The following CCNB3 variants were observed in gnomAD, a reference collection of about 807,000 sequenced individuals.
The protein encoded by CCNB3 is cyclin B3, also known as G2/mitotic-specific cyclin-B3.
A neutral mutation model predicts 68.0 loss-of-function variants in CCNB3; 12 were observed. The observed-to-expected ratio is 0.18, with a 90% CI of 0.11 to 0.29. The LOEUF (loss-of-function observed/expected upper bound fraction) is 0.29, where lower values mean the gene tolerates loss of function less well. Among genes scored for constraint, CCNB3 ranks in the 10% least tolerant of loss-of-function variants. CCNB3 has a pLI of 1.00. For synonymous variants in CCNB3, 354 were observed against 388.9 expected, an observed-to-expected ratio of 0.91 and a Z score of 1.06; for missense variants, 904 against 993.1, an observed-to-expected ratio of 0.91 and a Z score of 1.21.
rs1923273199 is a variant in CCNB3, at chrX:50,344,079, G to T, written c.3654+1740G>T. Among the ~76,000 whole-genome samples, 6 of 112,131 alleles carry T rather than the reference G, an allele frequency of 5.4e-5. 1 individual carries two copies. In the South Asian group the frequency reaches 2.3e-3, roughly 42 times the overall value. On this transcript the variant is annotated intron_variant, in intron 9 of 12. Transcript: ENST00000376042. ...AAATCTTTTATGCTGTATTGTTACT[G>T]TACTTTTTCTGTTTAGATAGCCTAA...
intron 1 of CCNB3, among the ~76,000 whole-genome samples, chrX:50,220,372 T>G (rs1935648494): frequency 8.9e-6 from 1 of 111,930 alleles, no homozygotes; most frequent in African/African-American, 3.2e-5. Flanking sequence ...GTTTCCAGCT[T>G]TTGCCCATTC....
chrX:50,313,872 C>T lies in CCNB3; in HGVS notation c.3440C>T (p.Thr1147Ile). The stretch of plus-strand genomic sequence containing the variant: ...CAATGCCAGGAACAGTTTATACTTA[C>T]AGATTACATGAACAGGCAGATTGAA... ...MKEREEQFIL[T>I]DYMNRQIEIT... Residue 1147 changes from threonine (T) to isoleucine (I), a missense_variant, in exon 8 of 13, where the codon ACA (threonine) becomes ATA (isoleucine). Coordinates refer to ENST00000376042, the MANE Select transcript of CCNB3 (RefSeq NM_033031.3). 1 of 1,205,279 alleles carries T rather than the reference C, an allele frequency of 8.3e-7. No homozygotes were observed. The highest frequency in any genetic ancestry group is 1.1e-6 in the Non-Finnish European group (1 of 889,893).
chrX:50,214,475 C>T (rs1483067529), intron 1 of CCNB3, among the ~76,000 whole-genome samples: 26 of 9,490 alleles, frequency 2.7e-3, no homozygotes, highest in Non-Finnish European at 0.011. Flanking sequence ...AGCTGTGGCC[C>T]ATATATATAT....
chrX:50,343,630 C>T (rs1557219907), intron 9 of CCNB3, among the ~76,000 whole-genome samples: 1 of 111,482 alleles, frequency 9.0e-6, no homozygotes, highest in African/African-American at 3.3e-5. Flanking sequence ...CCCTTGAGCC[C>T]AGGAGGTTGA....
intron 8 of CCNB3, among the ~76,000 whole-genome samples, chrX:50,330,652 A>ACTATTATAACTC (rs1315483001): frequency 2.7e-5 from 3 of 112,165 alleles, no homozygotes; most frequent in African/African-American, 9.7e-5. Context: ...GGTTCCTATT[A>ACTATTATAACTC]CTATTATAAC....
intron 1 of CCNB3, among the ~76,000 whole-genome samples, chrX:50,284,077 C>A (rs1936191972): frequency 9.0e-6 from 1 of 110,779 alleles, no homozygotes; most frequent in African/African-American, 3.3e-5. Context: ...TCATATTAAG[C>A]ATCACAGACA....
chrX:50,287,403 T>C (rs937576387), intron 3 of CCNB3, among the ~76,000 whole-genome samples: 2 of 111,929 alleles, frequency 1.8e-5, no homozygotes, highest in Non-Finnish European at 3.8e-5. Context: ...CTAAACTTTG[T>C]TTTTAATATA....
Position 50,308,974 on chromosome X carries a change from A to C in CCNB3, c.805A>C (p.Lys269Gln). 1 of 1,211,002 alleles carries C rather than the reference A, an allele frequency of 8.3e-7. No homozygotes were observed. Among genetic ancestry groups the C allele is most frequent in the Non-Finnish European group, 1.1e-6 (1 of 894,812 alleles). ...DSFFMESMSFKKKPKTEESIP... is the reference protein window; with the variant it reads ...DSFFMESMSFQKKPKTEESIP... ...CTTCTTTATGGAGTCAATGAGTTTT[A>C]AGAAGAAGCCTAAAACTGAGGAGTC... Residue 269 changes from lysine (K) to glutamine (Q), a missense_variant, in exon 6 of 13, where the codon AAG (lysine) becomes CAG (glutamine). Lys to Gln is a moderately conservative substitution (Grantham distance 53). Coordinates refer to ENST00000376042, the MANE Select transcript of CCNB3 (RefSeq NM_033031.3).
intron 1 of CCNB3, among the ~76,000 whole-genome samples, chrX:50,227,527 A>G (rs1472600063): frequency 1.3e-5 from 1 of 75,193 alleles, no homozygotes; most frequent in African/African-American, 4.8e-5. Context: ...ATATATGGAG[A>G]GAATATATAT....
intron 8 of CCNB3, among the ~76,000 whole-genome samples, chrX:50,318,387 C>T (rs1557216135): frequency 9.1e-6 from 1 of 110,192 alleles, no homozygotes; most frequent in Admixed American, 9.7e-5. Context: ...GTGGCAGGCA[C>T]CTGTAATCCC....
intron 5 of CCNB3, among the ~76,000 whole-genome samples, chrX:50,298,598 T>G (rs1936538207): frequency 9.0e-6 from 1 of 111,657 alleles, no homozygotes; most frequent in African/African-American, 3.3e-5. Context: ...ATTCTCTTTT[T>G]TTGTTGTGTC....
intron 2 of CCNB3, 50 bp downstream of exon 2, chrX:50,284,666 A>G (rs1436902908): frequency 8.2e-6 from 1 of 122,226 alleles, no homozygotes; most frequent in East Asian, 2.1e-4. Flanking sequence ...CTTTGCCAGG[A>G]CCCCATGCCT....
intron 11 of CCNB3, among the ~76,000 whole-genome samples, chrX:50,348,388 T>C (rs782202515): frequency 2.7e-5 from 3 of 112,096 alleles, no homozygotes; most frequent in African/African-American, 6.5e-5. Context: ...ATATGTATAA[T>C]ATATAATCCA....
chrX:50,308,383 G>A (rs1413344019), intron 5 of CCNB3, 122 bp from the exon 6 acceptor site: 7 of 483,933 alleles, frequency 1.4e-5, no homozygotes, highest in Non-Finnish European at 2.5e-5. Flanking sequence ...CCTCTAATCT[G>A]TCTTATGGGG....
chrX:50,228,587 G>T (rs1382113294), intron 1 of CCNB3, among the ~76,000 whole-genome samples: 4 of 81,078 alleles, frequency 4.9e-5, no homozygotes, highest in South Asian at 5.4e-4. Context: ...AATATATATA[G>T]AATATAGATA....
intron 5 of CCNB3, among the ~76,000 whole-genome samples, chrX:50,307,246 A>G (rs1921122734): frequency 8.9e-6 from 1 of 111,837 alleles, no homozygotes; most frequent in African/African-American, 3.2e-5. Context: ...TCAATTGTTC[A>G]TAACGTGCCT....
chrX:50,218,655 C>T (rs1166088028), intron 1 of CCNB3, among the ~76,000 whole-genome samples: 5 of 111,825 alleles, frequency 4.5e-5, no homozygotes, highest in Non-Finnish European at 7.5e-5. Flanking sequence ...TGTATATGTG[C>T]CACATTTTCT....
intron 8 of CCNB3, among the ~76,000 whole-genome samples, chrX:50,318,015 C>T (rs781937631): frequency 4.5e-5 from 5 of 110,803 alleles, no homozygotes; most frequent in South Asian, 3.9e-4. Flanking sequence ...TCTAATGCCA[C>T]GTGTGGGAAT....
intron 9 of CCNB3, among the ~76,000 whole-genome samples, chrX:50,344,196 A>G (rs1396412936): frequency 8.9e-6 from 1 of 112,496 alleles, no homozygotes; most frequent in African/African-American, 3.2e-5. Flanking sequence ...TATATACCAT[A>G]TAACCTGGGT....
Sources: allele counts gnomAD v4.1 joint callset (sites outside exome capture counted in the v4.1 genomes callset), GRCh38; gene constraint gnomAD v4.1.1; transcripts MANE v1.5; gene names NCBI Gene and HGNC (gene_info 2026-07-23, HGNC 2026-07-21).